MAP4K3: variants seen among roughly 807,000 people sequenced by gnomAD.
The protein encoded by MAP4K3 is mitogen-activated protein kinase kinase kinase kinase 3, also known as MAPK/ERK kinase kinase kinase 3.
Under a neutral mutation model 143.5 loss-of-function variants are expected in MAP4K3, and 94 were observed. That is an observed-to-expected ratio of 0.65 (90% CI 0.55 to 0.78). The LOEUF is 0.78. Ranked by LOEUF, MAP4K3 falls within the 30% of genes least tolerant of loss-of-function variation. The pLI, the probability that MAP4K3 is intolerant of heterozygous loss-of-function variation, is 0.00. For missense variants in MAP4K3, 1,077 were observed against 1,068.1 expected, an observed-to-expected ratio of 1.01 and a Z score of -0.12; for synonymous variants, 416 against 347.2, an observed-to-expected ratio of 1.20 and a Z score of -2.20.
At chr2:39,420,400 T>G (rs893993494) in intron 1 of MAP4K3, among the ~76,000 whole-genome samples, 1 of 152,204 alleles carries the variant, frequency 6.6e-6, no homozygotes, top group East Asian at 1.9e-4. Context: ...TCATGAATCA[T>G]GAATTCCATA....
At chr2:39,295,142 C>T (rs1204993400) in intron 16 of MAP4K3, among the ~76,000 whole-genome samples, 1 of 151,350 alleles carries the variant, frequency 6.6e-6, no homozygotes, top group Admixed American at 6.6e-5. Context: ...TGGACCTCAA[C>T]AAAAAGTGTT....
At chr2:39,391,251 C>T (rs111463193) in intron 1 of MAP4K3, among the ~76,000 whole-genome samples, 26,119 of 143,496 alleles carry the variant, frequency 0.18, 3,024 homozygotes, top group Non-Finnish European at 0.25. Flanking sequence ...CTCAGCTACT[C>T]GGGAGGCTGA....
chr2:39,399,380 T>C (rs529577163), intron 1 of MAP4K3, among the ~76,000 whole-genome samples: 43 of 152,182 alleles, frequency 2.8e-4, no homozygotes, highest in Non-Finnish European at 5.6e-4. Flanking sequence ...CTTAAGGTAG[T>C]GCGCAGCAGC....
rs1164249229 is a variant in MAP4K3 at position 39,308,091 on chromosome 2, G to GT, written c.1057-87dup. On this transcript the variant is annotated intron_variant, in intron 14 of 33. Transcript: ENST00000263881. ...ACAAAGGGAAACTTTCACAAATGAA[G>GT]TAAGTCCTGCTAATATAATTTTATT... 4 of 890,704 alleles carry GT rather than the reference G, an allele frequency of 4.5e-6. No homozygotes were observed. The Admixed American group carries it at 6.8e-5, about 15-fold the overall frequency. The allele number at this position is 890,704 out of a possible 1,614,324, so 55.2% of individuals were successfully genotyped here. A position where few individuals can be genotyped will look rare whatever the true frequency, so the allele number is the denominator to read the frequency against.
intron 12 of MAP4K3, chr2:39,323,240 T>C (rs1249264877): frequency 5.9e-5 from 9 of 152,210 alleles, no homozygotes; most frequent in Non-Finnish European, 1.2e-4. Context: ...AATTTATAAT[T>C]ATAATACCAA....
chr2:39,394,842 T>A (rs1666761771), intron 1 of MAP4K3, among the ~76,000 whole-genome samples: 1 of 152,106 alleles, frequency 6.6e-6, no homozygotes, highest in Admixed American at 6.5e-5. Flanking sequence ...TCTATCACCC[T>A]TTGTCAGTGC....
At chr2:39,391,998 C>T (rs564583937) in intron 1 of MAP4K3, among the ~76,000 whole-genome samples, 23 of 151,816 alleles carry the variant, frequency 1.5e-4, no homozygotes, top group Admixed American at 4.6e-4. Flanking sequence ...CTGGCCAACA[C>T]GGTGAAACTC....
chr2:39,306,930 T>C (rs188668676), intron 15 of MAP4K3, among the ~76,000 whole-genome samples: 7 of 152,384 alleles, frequency 4.6e-5, no homozygotes, highest in African/African-American at 1.7e-4. Flanking sequence ...GGCAAAATGT[T>C]GGCAAGCCAT....
At chr2:39,385,540 T>A (rs1479699060) in intron 1 of MAP4K3, among the ~76,000 whole-genome samples, 2 of 135,118 alleles carry the variant, frequency 1.5e-5, no homozygotes, top group Admixed American at 7.8e-5. Context: ...TACTGAGTTA[T>A]GAGCGTTCTT....
At position 39,291,055 on chromosome 2, in the gene MAP4K3, ACT is replaced by A. The variant is rs1199169669; in HGVS notation, c.1272-723_1272-722del. Among the ~76,000 whole-genome samples the A allele has an allele frequency of 6.6e-5, 10 of 152,288 alleles. No homozygotes were observed. In the East Asian group the frequency reaches 1.9e-3, roughly 29 times the overall value. On this transcript the variant is annotated intron_variant, in intron 18 of 33. Transcript: ENST00000263881. ...ACTCCAGCCTGGGTGACAGGGCAAG[ACT>A]CTGTCTCAAAAAACAAAACAAAACA...
chr2:39,424,229 C>G (rs1244990013), intron 1 of MAP4K3, among the ~76,000 whole-genome samples: 1 of 152,134 alleles, frequency 6.6e-6, no homozygotes, highest in Non-Finnish European at 1.5e-5. Context: ...CAGGCGTGAG[C>G]CATCGCGCCC....
chr2:39,284,433 T>C (rs963679606), intron 21 of MAP4K3, among the ~76,000 whole-genome samples: 2 of 152,136 alleles, frequency 1.3e-5, no homozygotes, highest in African/African-American at 4.8e-5. Context: ...AGTGTACGGA[T>C]TATAGGTGTG....
At chr2:39,274,940 C>T (rs182425238) in intron 24 of MAP4K3, among the ~76,000 whole-genome samples, 45 of 152,324 alleles carry the variant, frequency 3.0e-4, no homozygotes, top group Admixed American at 5.2e-4. Flanking sequence ...ATTTAGTAGG[C>T]TCACGCCACC....
Position 39,256,982 on chromosome 2 carries a change from T to C in MAP4K3, c.2470+1366A>G, listed in dbSNP as rs374492962. ...TGCTTTTTGACCCTGGCTATGTCTT[T>C]GAAAGCGGATTCCATTTTAACATCT... On this transcript the variant is annotated intron_variant, in intron 31 of 33. Coordinates refer to ENST00000263881, the MANE Select transcript of MAP4K3 (RefSeq NM_003618.4). Among the ~76,000 whole-genome samples, 58 of 152,340 alleles carry C rather than the reference T, an allele frequency of 3.8e-4. 1 individual carries two copies. The East Asian group carries it at 5.4e-3, about 14-fold the overall frequency.
At chr2:39,432,914 TG>T (rs1203174753) in intron 1 of MAP4K3, among the ~76,000 whole-genome samples, 3 of 151,870 alleles carry the variant, frequency 2.0e-5, no homozygotes, top group African/African-American at 7.2e-5. Context: ...CACACAAAGG[TG>T]AAAAAAAATC....
intron 15 of MAP4K3, among the ~76,000 whole-genome samples, chr2:39,304,473 T>C (rs1682623109): frequency 6.6e-6 from 1 of 152,192 alleles, no homozygotes; most frequent in African/African-American, 2.4e-5. Context: ...ATTTTAGAAT[T>C]GATAAAATTA....
intron 21 of MAP4K3, among the ~76,000 whole-genome samples, 155 bp from the exon 22 acceptor site, chr2:39,282,709 C>G (rs1044959848): frequency 2.0e-5 from 3 of 152,188 alleles, no homozygotes; most frequent in Non-Finnish European, 4.4e-5. Flanking sequence ...ATAATTCTTT[C>G]ACAATGCACT....
intron 1 of MAP4K3, among the ~76,000 whole-genome samples, chr2:39,433,687 C>T (rs1254559324): frequency 1.3e-5 from 2 of 152,248 alleles, no homozygotes; most frequent in African/African-American, 4.8e-5. Context: ...ACTCCATGGG[C>T]CTCCTGAGGC....
chr2:39,379,952 C>T (rs1490542579), intron 1 of MAP4K3: 1 of 154,970 alleles, frequency 6.5e-6, no homozygotes, highest in African/African-American at 2.4e-5. Flanking sequence ...TTACTAACAC[C>T]AGCATATATT....
Sources: gnomAD v4.1 joint callset for allele counts (sites outside exome capture counted in the v4.1 genomes callset) on GRCh38, gnomAD v4.1.1 for gene constraint, MANE v1.5 for transcripts, NCBI Gene and HGNC (gene_info 2026-07-23, HGNC 2026-07-21) for gene names.